Variants in GPHN observed in about 807,000 individuals in gnomAD.
GPHN encodes the protein gephyrin.
A neutral mutation model predicts 95.5 loss-of-function variants in GPHN; 17 were observed. That is an observed-to-expected ratio of 0.18 (90% CI 0.12 to 0.27). The LOEUF is 0.27. Ranked by LOEUF, GPHN falls within the 10% of genes least tolerant of loss-of-function variation. GPHN has a pLI of 1.00. For missense variants in GPHN, 660 were observed against 978.1 expected (o/e 0.67, Z 4.34); for synonymous variants, 320 against 322.5 (o/e 0.99, Z 0.08).
At chr14:66,910,744 ATATT>A (rs1353497805) in intron 5 of GPHN, among the ~76,000 whole-genome samples, 1 of 152,040 alleles carries the variant, frequency 6.6e-6, no homozygotes, top group Non-Finnish European at 1.5e-5. Flanking sequence ...TTCTGAGTCA[ATATT>A]TATCCTAACT....
At chr14:67,538,773 C>A in the GPHN span, among the ~76,000 whole-genome samples, 1 of 152,110 alleles carries the variant, frequency 6.6e-6, no homozygotes, top group Non-Finnish European at 1.5e-5. Context: ...TCTCCATCCC[C>A]AAGGCAGGGA....
intron 18 of GPHN, among the ~76,000 whole-genome samples, chr14:67,150,440 C>CAAAAAAA (rs1416536191): frequency 2.6e-3 from 44 of 16,992 alleles, no homozygotes; most frequent in African/African-American, 0.015. Context: ...GACTCCGTCT[C>CAAAAAAA]AAAAAAAAAA....
the GPHN span, among the ~76,000 whole-genome samples, chr14:67,391,782 T>C: frequency 1.3e-5 from 2 of 152,214 alleles, no homozygotes; most frequent in East Asian, 3.9e-4. Flanking sequence ...TGGTTCAACA[T>C]AGCTGCTCTC....
the GPHN span, among the ~76,000 whole-genome samples, chr14:67,439,521 T>G: frequency 2.0e-5 from 3 of 148,792 alleles, no homozygotes; most frequent in South Asian, 2.1e-4. Context: ...AAGAGTTCCA[T>G]GAAATTCAAT....
the GPHN span, among the ~76,000 whole-genome samples, chr14:67,604,129 A>G: frequency 1.3e-5 from 2 of 152,158 alleles, no homozygotes; most frequent in Non-Finnish European, 2.9e-5. Flanking sequence ...AGTAGCTGGG[A>G]TTACAGGCGC....
intron 1 of GPHN, among the ~76,000 whole-genome samples, chr14:66,633,600 A>G (rs927844400): frequency 3.5e-5 from 5 of 143,390 alleles, no homozygotes; most frequent in South Asian, 2.2e-4. Context: ...TTTAAGGGAC[A>G]GCTAGATTTT....
the GPHN span, chr14:67,620,018 G>A: frequency 3.1e-6 from 5 of 1,611,442 alleles, no homozygotes; most frequent in African/African-American, 1.3e-5. Flanking sequence ...CTCCAGACGC[G>A]AGTGCATTCC....
the GPHN span, chr14:67,336,559 T>A: frequency 2.8e-6 from 1 of 360,022 alleles, no homozygotes; most frequent in South Asian, 2.2e-5. Flanking sequence ...ACCACTAATC[T>A]GGATCCCTAC....
At position 66,886,698 on chromosome 14, in the gene GPHN, C is replaced by CA. The variant is rs1009376882; in HGVS notation, c.389+6671dup. Reference sequence around the variant, plus strand: ...AATTAACAAATCTGAGGAACAGAAACAAAAAAGATGGAAGAAAACTGAACA... The same window carrying CA: ...AATTAACAAATCTGAGGAACAGAAACAAAAAAAGATGGAAGAAAACTGAACA... On this transcript the variant is annotated intron_variant, in intron 5 of 22. Transcript: ENST00000478722. 2.0e-5 allele frequency among the ~76,000 whole-genome samples: 3 copies of CA among 151,674 alleles called. 1 individual carries two copies. The South Asian group carries it at 6.2e-4, about 32-fold the overall frequency.
chr14:67,359,589 A>G, the GPHN span: 83 of 1,560,292 alleles, frequency 5.3e-5, no homozygotes, highest in Non-Finnish European at 6.9e-5. Flanking sequence ...ACTGTGGCCC[A>G]GGGTCTGAAG....
chr14:67,486,411 A>T, the GPHN span, among the ~76,000 whole-genome samples: 1 of 152,190 alleles, frequency 6.6e-6, no homozygotes, highest in Admixed American at 6.5e-5. Context: ...AATAGCTGGG[A>T]CCACAGGTGC....
the GPHN span, among the ~76,000 whole-genome samples, chr14:67,644,927 G>A: frequency 1.9e-4 from 29 of 151,866 alleles, no homozygotes; most frequent in African/African-American, 6.8e-4. Context: ...GAACCCAGGA[G>A]GCGGACGTTG....
intron 10 of GPHN, among the ~76,000 whole-genome samples, chr14:67,030,455 G>A (rs951032827): frequency 6.6e-6 from 1 of 151,948 alleles, no homozygotes; most frequent in Admixed American, 6.6e-5. Flanking sequence ...CCTTAAAATT[G>A]CTTACTATTG....
At chr14:67,376,801 C>T in the GPHN span, among the ~76,000 whole-genome samples, 1 of 152,218 alleles carries the variant, frequency 6.6e-6, no homozygotes, top group East Asian at 1.9e-4. Context: ...GTTTATCTCA[C>T]ACATTTTCCT....
At chr14:67,650,705 G>A in the GPHN span, 3 of 1,613,186 alleles carry the variant, frequency 1.9e-6, no homozygotes, top group Non-Finnish European at 1.7e-6. Context: ...GTCACACTTT[G>A]TTCTTCCAGG....
At chr14:67,323,771 A>G in the GPHN span, 1 of 1,602,014 alleles carries the variant, frequency 6.2e-7, no homozygotes, top group Non-Finnish European at 8.5e-7. Flanking sequence ...TTCACAAGAA[A>G]GACTTCGGGC....
At chr14:66,899,433 A>G (rs78381956) in intron 5 of GPHN, among the ~76,000 whole-genome samples, 2,296 of 152,020 alleles carry the variant, frequency 0.015, 33 homozygotes, top group Non-Finnish European at 0.018. Flanking sequence ...AAAGAAGTCC[A>G]TCCCTTAATT....
At chr14:67,310,399 CA>C in the GPHN span, among the ~76,000 whole-genome samples, 1 of 152,000 alleles carries the variant, frequency 6.6e-6, no homozygotes, top group East Asian at 1.9e-4. Flanking sequence ...AATTAATATA[CA>C]GGGGAAAATA....
At chr14:66,736,770 G>T (rs2072325763) in intron 2 of GPHN, among the ~76,000 whole-genome samples, 1 of 152,106 alleles carries the variant, frequency 6.6e-6, no homozygotes, top group Non-Finnish European at 1.5e-5. Flanking sequence ...CCCATACAAA[G>T]ATATTTTCTA....
Sources: allele counts gnomAD v4.1 joint callset (sites outside exome capture counted in the v4.1 genomes callset), GRCh38; gene constraint gnomAD v4.1.1; transcripts MANE v1.5; gene names NCBI Gene and HGNC (gene_info 2026-07-23, HGNC 2026-07-21).